The following ROBO1 variants were observed in gnomAD, a reference collection of about 807,000 sequenced individuals.
ROBO1 encodes roundabout guidance receptor 1, also known as roundabout homolog 1.
A neutral mutation model predicts 195.9 loss-of-function variants in ROBO1; 149 were observed. That is an observed-to-expected ratio of 0.76 (90% CI 0.67 to 0.87). The LOEUF (loss-of-function observed/expected upper bound fraction) is 0.87. Ranked by LOEUF, ROBO1 falls within the 40% of genes least tolerant of loss-of-function variation. The pLI is 0.00. For synonymous variants in ROBO1, 816 were observed against 733.2 expected, an observed-to-expected ratio of 1.11 and a Z score of -1.82; for missense variants, 1,933 against 2,068.3, an observed-to-expected ratio of 0.93 and a Z score of 1.27.
intron 2 of ROBO1, among the ~76,000 whole-genome samples, chr3:79,321,581 G>A (rs535553745): frequency 1.3e-5 from 2 of 152,162 alleles, no homozygotes; most frequent in South Asian, 4.1e-4. Flanking sequence ...AGAATTGCAA[G>A]AGGATGAAGT....
chr3:79,022,055 A>T (rs372437493), intron 3 of ROBO1, among the ~76,000 whole-genome samples: 12 of 152,234 alleles, frequency 7.9e-5, no homozygotes, highest in Admixed American at 3.3e-4. Flanking sequence ...TCACCAACTC[A>T]TATGTGTTAG....
At chr3:79,439,804 A>T (rs2038996389) in intron 2 of ROBO1, among the ~76,000 whole-genome samples, 1 of 152,116 alleles carries the variant, frequency 6.6e-6, no homozygotes, top group Admixed American at 6.6e-5. Context: ...TTTTATGTTC[A>T]TTCTTAGTTG....
intron 4 of ROBO1, among the ~76,000 whole-genome samples, chr3:78,805,118 G>A (rs1440723970): frequency 6.6e-6 from 1 of 152,058 alleles, no homozygotes; most frequent in Non-Finnish European, 1.5e-5. Flanking sequence ...GAAAGAATCG[G>A]TGTTGGTCCT....
At chr3:78,647,180 T>A (rs886994204) in intron 20 of ROBO1, among the ~76,000 whole-genome samples, 3 of 152,030 alleles carry the variant, frequency 2.0e-5, no homozygotes, top group Non-Finnish European at 4.4e-5. Context: ...AAACGAAAAG[T>A]TCTATCTTTC....
intron 3 of ROBO1, among the ~76,000 whole-genome samples, chr3:79,020,188 C>A (rs1273291524): frequency 6.6e-6 from 1 of 152,170 alleles, no homozygotes; most frequent in African/African-American, 2.4e-5. Context: ...TTAGGAGAAG[C>A]TAGTCAGGCA....
chr3:79,205,020 T>G (rs1476593125), intron 2 of ROBO1, among the ~76,000 whole-genome samples: 1 of 151,698 alleles, frequency 6.6e-6, no homozygotes, highest in Admixed American at 6.6e-5. Context: ...TTAGAGAGAG[T>G]CTCACTCTGT....
intron 1 of ROBO1, among the ~76,000 whole-genome samples, chr3:79,619,540 T>C (rs1049664015): frequency 1.3e-5 from 2 of 152,050 alleles, no homozygotes; most frequent in Non-Finnish European, 2.9e-5. Context: ...TTACCTCCCT[T>C]CCTCACACCC....
intron 1 of ROBO1, among the ~76,000 whole-genome samples, chr3:79,623,930 T>C (rs1290849322): frequency 6.6e-6 from 1 of 152,000 alleles, no homozygotes; most frequent in Non-Finnish European, 1.5e-5. Flanking sequence ...GGAAAAAATG[T>C]TAAGGGCAGC....
chr3:79,140,966 T>A (rs1374554298), intron 2 of ROBO1, among the ~76,000 whole-genome samples: 1 of 152,196 alleles, frequency 6.6e-6, no homozygotes, highest in East Asian at 1.9e-4. Context: ...TGCTTTGTGC[T>A]GATAAAGATG....
Position 78,884,653 on chromosome 3 carries a change from AAGGAAGGAAGG to A in ROBO1, c.499+53937_499+53947del, listed in dbSNP as rs1559961838. On this transcript the variant is annotated intron_variant, in intron 4 of 30. Transcript: ENST00000464233. ...AGAAAGAGAAAGAAAGAAAGAAAGG[AAGGAAGGAAGG>A]AAGGAAGGAAGGAAGGAAGGAAGGA... Among the ~76,000 whole-genome samples the A allele has an allele frequency of 3.6e-3, 339 of 95,186 alleles. 2 individuals carry two copies. Among genetic ancestry groups the A allele is most frequent in the African/African-American group, 0.013 (290 of 22,010 alleles). The allele number at this position is 95,186 out of a possible 152,430, so 62.4% of individuals were successfully genotyped here.
intron 2 of ROBO1, among the ~76,000 whole-genome samples, chr3:79,386,005 G>T (rs1575757251): frequency 6.6e-6 from 1 of 151,804 alleles, no homozygotes; most frequent in South Asian, 2.1e-4. Flanking sequence ...GATAATTTTG[G>T]GAAAATAACG....
chr3:79,010,441 T>A (rs2077748247), intron 3 of ROBO1, among the ~76,000 whole-genome samples: 1 of 152,014 alleles, frequency 6.6e-6, no homozygotes, highest in African/African-American at 2.4e-5. Context: ...ATAAGGCATG[T>A]TAGCACTTTG....
At chr3:78,933,815 A>C (rs2039659440) in intron 4 of ROBO1, among the ~76,000 whole-genome samples, 1 of 151,980 alleles carries the variant, frequency 6.6e-6, no homozygotes, top group African/African-American at 2.4e-5. Context: ...TTTGTTCCTG[A>C]AACAAAACTG....
chr3:79,098,700 TA>T (rs2079616501), intron 3 of ROBO1, among the ~76,000 whole-genome samples: 1 of 151,904 alleles, frequency 6.6e-6, no homozygotes, highest in African/African-American at 2.4e-5. Flanking sequence ...TAATACACAG[TA>T]AACCAGAAAA....
At chr3:79,721,751 T>C (rs1702712041) in intron 1 of ROBO1, among the ~76,000 whole-genome samples, 1 of 152,188 alleles carries the variant, frequency 6.6e-6, no homozygotes, top group Non-Finnish European at 1.5e-5. Flanking sequence ...TGCTAAAGAT[T>C]TGAAGACTAG....
intron 4 of ROBO1, among the ~76,000 whole-genome samples, chr3:78,864,967 G>A (rs180890697): frequency 1.5e-3 from 226 of 152,124 alleles, no homozygotes; most frequent in African/African-American, 5.3e-3. Flanking sequence ...ACGTTTGATC[G>A]CTACTTTTTT....
At chr3:79,088,927 T>A (rs781415740) in intron 3 of ROBO1, among the ~76,000 whole-genome samples, 1 of 152,052 alleles carries the variant, frequency 6.6e-6, no homozygotes, top group Non-Finnish European at 1.5e-5. Context: ...TTTGGCAATA[T>A]TGGGAAAAAC....
chr3:79,437,189 T>C (rs755995260), intron 2 of ROBO1, among the ~76,000 whole-genome samples: 4 of 152,158 alleles, frequency 2.6e-5, no homozygotes, highest in Middle Eastern at 3.4e-3. Context: ...TAAAAGACCA[T>C]AGCTTTATTC....
Position 78,597,964 on chromosome 3 carries a change from AAAAGAG to A in ROBO1, c.*943_*948del, listed in dbSNP as rs1702935434. On this transcript the variant is annotated 3_prime_UTR_variant, in exon 31 of 31. Transcript: ENST00000464233. ...GCTTTTAAAACCAAAAAAAAAAAAA[AAAAGAG>A]AGAGAGATTAAAAACAGTGCATTAC... 6.6e-6 allele frequency: 1 copy of A among 152,252 alleles called. No individual in the cohort carries two copies. The highest frequency in any genetic ancestry group is 1.5e-5 in the Non-Finnish European group (1 of 67,908). The allele number at this position is 152,252 out of a possible 1,614,324, so 9.4% of individuals were successfully genotyped here.
Sources: gnomAD v4.1 joint callset for allele counts (sites outside exome capture counted in the v4.1 genomes callset) on GRCh38, gnomAD v4.1.1 for gene constraint, MANE v1.5 for transcripts, NCBI Gene and HGNC (gene_info 2026-07-23, HGNC 2026-07-21) for gene names.